The following SHTN1 variants were observed in gnomAD, a reference collection of about 807,000 sequenced individuals.
SHTN1 encodes shootin 1.
Under a neutral mutation model 83.1 loss-of-function variants are expected in SHTN1, and 42 were observed. That is an observed-to-expected ratio of 0.51 (90% CI 0.39 to 0.65). The LOEUF (loss-of-function observed/expected upper bound fraction) is 0.65. Ranked by LOEUF, SHTN1 falls within the 30% of genes least tolerant of loss-of-function variation. The probability of loss-of-function intolerance (pLI) is 0.00; values close to 1 mark genes in which losing one functional copy is unlikely to be tolerated. For missense variants in SHTN1, 622 were observed against 737.8 expected (o/e 0.84, Z 1.82); for synonymous variants, 224 against 247.7 (o/e 0.90, Z 0.90).
intron 2 of SHTN1, among the ~76,000 whole-genome samples, chr10:117,036,431 T>C (rs569002085): frequency 6.6e-6 from 1 of 152,218 alleles, no homozygotes; most frequent in Non-Finnish European, 1.5e-5. Context: ...GTGCTACTTA[T>C]ACACAATGGA....
chr10:117,017,161 C>T (rs1165629184), intron 2 of SHTN1, among the ~76,000 whole-genome samples: 3 of 152,098 alleles, frequency 2.0e-5, no homozygotes, highest in Non-Finnish European at 2.9e-5. Flanking sequence ...CCTGAAAGAG[C>T]TCTCAACAGC....
chr10:116,949,881 ATAAAG>A (rs1849714391), intron 6 of SHTN1, among the ~76,000 whole-genome samples: 1 of 152,214 alleles, frequency 6.6e-6, no homozygotes, highest in East Asian at 1.9e-4. Context: ...AAAAAAGAAC[ATAAAG>A]TAAAGCTACA....
At chr10:116,942,454 C>T (rs1004062538) in intron 8 of SHTN1, among the ~76,000 whole-genome samples, 6 of 151,950 alleles carry the variant, frequency 3.9e-5, no homozygotes, top group African/African-American at 1.5e-4. Context: ...CTCAATTGAT[C>T]CCCCCGCCTC....
intron 1 of SHTN1, among the ~76,000 whole-genome samples, chr10:117,125,556 G>A (rs1853991219): frequency 6.6e-6 from 1 of 152,004 alleles, no homozygotes; most frequent in African/African-American, 2.4e-5. Context: ...ACAGAATAGA[G>A]ATCTTTAGTT....
chr10:116,911,440 T>A, intron 14 of SHTN1: 1 of 1,543,354 alleles, frequency 6.5e-7, no homozygotes, highest in Non-Finnish European at 8.7e-7. Context: ...AGTAAAGCAT[T>A]ATTCATCTAT....
intron 11 of SHTN1, among the ~76,000 whole-genome samples, chr10:116,925,026 G>C (rs1185167221): frequency 6.6e-6 from 1 of 152,126 alleles, no homozygotes; most frequent in Non-Finnish European, 1.5e-5. Context: ...AAAGTGCTGG[G>C]ATTACAGGCG....
intron 2 of SHTN1, among the ~76,000 whole-genome samples, chr10:117,026,080 C>A (rs1852328765): frequency 6.6e-6 from 1 of 152,178 alleles, no homozygotes; most frequent in Non-Finnish European, 1.5e-5. Flanking sequence ...GGTACCAGCT[C>A]AGCCACAGGG....
intron 2 of SHTN1, among the ~76,000 whole-genome samples, chr10:117,018,976 T>C (rs1852223880): frequency 6.6e-6 from 1 of 152,070 alleles, no homozygotes; most frequent in South Asian, 2.1e-4. Context: ...TTAAATAGTC[T>C]TTATCCACAA....
intron 1 of SHTN1, among the ~76,000 whole-genome samples, chr10:116,991,218 T>G (rs1851424448): frequency 1.3e-5 from 2 of 152,084 alleles, no homozygotes; most frequent in Admixed American, 1.3e-4. Context: ...CTTCTTGGTT[T>G]TAGTCTCATG....
At chr10:116,968,180 CA>C (rs879506922) in intron 3 of SHTN1, among the ~76,000 whole-genome samples, 9 of 151,942 alleles carry the variant, frequency 5.9e-5, no homozygotes, top group Non-Finnish European at 1.0e-4. Flanking sequence ...GACTCCATCT[CA>C]AAAAAACAAA....
intron 9 of SHTN1, among the ~76,000 whole-genome samples, chr10:116,934,625 T>C (rs758123700): frequency 2.0e-5 from 3 of 152,190 alleles, no homozygotes; most frequent in Non-Finnish European, 4.4e-5. Context: ...TTGTTCTCTT[T>C]GCTTTGGATT....
At chr10:117,025,390 A>AT (rs1386671639) in intron 2 of SHTN1, among the ~76,000 whole-genome samples, 1 of 152,194 alleles carries the variant, frequency 6.6e-6, no homozygotes, top group Non-Finnish European at 1.5e-5. Context: ...AGTAGTACGA[A>AT]TTTGAGTTCC....
At chr10:117,087,039 A>T (rs1386976986) in intron 1 of SHTN1, among the ~76,000 whole-genome samples, 1 of 152,244 alleles carries the variant, frequency 6.6e-6, no homozygotes, top group Non-Finnish European at 1.5e-5. Context: ...TATTTGAAAT[A>T]TCTAGAACAG....
rs757477161 is a variant in SHTN1 at position 116,901,770 on chromosome 10, C to T, written c.1668G>A (p.Thr556=). The part of the protein sequence containing the change: ...KLEGCTSSKV[T]FQPPSSIGCR... ...TAAAGAGCATCGTTACTTACTGAAACGTAACCTTGGAACTTGTGCATCCTT... is the reference window on the plus strand; with the variant it reads ...TAAAGAGCATCGTTACTTACTGAAATGTAACCTTGGAACTTGTGCATCCTT... The change falls in exon 16 of 17, where the codon ACG becomes ACA. Residue 556 remains threonine (T), a synonymous_variant. Transcript: ENST00000355371. 3.2e-5 allele frequency: 51 copies of T among 1,593,714 alleles called. No individual in the cohort carries two copies. Among genetic ancestry groups the T allele is most frequent in the Non-Finnish European group, 4.1e-5 (48 of 1,173,346 alleles).
In SHTN1 at chr10:116,989,545, C is replaced by T. The variant is rs1267429082; in HGVS notation, c.59-10237G>A. On this transcript the variant is annotated intron_variant, in intron 1 of 16. Coordinates refer to ENST00000355371, the MANE Select transcript of SHTN1 (RefSeq NM_001127211.3). ...AAACAAAAGGTCTTTCTATCCTCCC[C>T]CTCGTTCCTGCCTAAAAACAGGATA... is the stretch of plus-strand genomic sequence containing the variant. 2.0e-5 allele frequency among the ~76,000 whole-genome samples: 3 copies of T among 152,156 alleles called. No individual in the cohort carries two copies. The East Asian group carries it at 5.8e-4, about 29-fold the overall frequency.
At chr10:116,964,923 G>A (rs1019305981) in intron 3 of SHTN1, among the ~76,000 whole-genome samples, 3 of 151,920 alleles carry the variant, frequency 2.0e-5, no homozygotes, top group African/African-American at 4.8e-5. Flanking sequence ...CCAAGAACAC[G>A]CCACTGTACT....
intron 16 of SHTN1, chr10:116,901,314 T>G: frequency 2.0e-6 from 2 of 985,330 alleles, no homozygotes; most frequent in Non-Finnish European, 2.4e-6. Flanking sequence ...ATTTTCAGGA[T>G]AGAGCAATAT....
At chr10:117,057,251 T>A (rs971167807) in intron 1 of SHTN1, among the ~76,000 whole-genome samples, 3 of 152,100 alleles carry the variant, frequency 2.0e-5, no homozygotes, top group African/African-American at 7.2e-5. Context: ...AAATTGCGGG[T>A]TAATTTTGGT....
upstream of SHTN1, among the ~76,000 whole-genome samples, chr10:117,007,800 C>G (rs781187082): frequency 2.6e-5 from 4 of 151,754 alleles, no homozygotes; most frequent in Non-Finnish European, 5.9e-5. Context: ...ATCACGAGGT[C>G]AGGAGATTGA....
Sources: allele counts gnomAD v4.1 joint callset (sites outside exome capture counted in the v4.1 genomes callset), GRCh38; gene constraint gnomAD v4.1.1; transcripts MANE v1.5; gene names NCBI Gene and HGNC (gene_info 2026-07-23, HGNC 2026-07-21).